The following INPP4B variants were observed in gnomAD, a reference collection of about 807,000 sequenced individuals.
The protein encoded by INPP4B is inositol polyphosphate-4-phosphatase type II B, also known as inositol polyphosphate 4-phosphatase type II.
In INPP4B, 55 loss-of-function variants were observed where a neutral mutation model predicts 122.5. The ratio of observed to expected loss-of-function variants is 0.45; its 90% CI spans 0.36 to 0.56. INPP4B has a LOEUF of 0.56. INPP4B is among the 20% of genes least tolerant of loss of function. The probability of loss-of-function intolerance (pLI) is 0.00; values close to 1 mark genes in which losing one functional copy is unlikely to be tolerated. For synonymous variants in INPP4B, 403 were observed against 388.7 expected (o/e 1.04, Z -0.43); for missense variants, 1,000 against 1,097.7 (o/e 0.91, Z 1.26).
At position 142,081,988 on chromosome 4, in the gene INPP4B, A is replaced by G. The variant is rs201151967; in HGVS notation, c.2642+43T>C. 1.6e-3 allele frequency: 2,110 copies of G among 1,285,688 alleles called. 2 individuals carry two copies. Among genetic ancestry groups the G allele is most frequent in the Non-Finnish European group, 1.9e-3 (1,889 of 995,050 alleles). The allele number at this position is 1,285,688 out of a possible 1,614,324, so 79.6% of individuals were successfully genotyped here. On this transcript the variant is annotated intron_variant, in intron 25 of 25. Coordinates refer to ENST00000262992, the MANE Select transcript of INPP4B (RefSeq NM_001101669.3). ...TGAAAAAAAAAATAAAAACAACTCA[A>G]AATGACCTTAAAAGAAAAAAACTTG... is the stretch of plus-strand genomic sequence containing the variant.
intron 2 of INPP4B, among the ~76,000 whole-genome samples, chr4:142,662,787 G>A (rs1755430677): frequency 6.6e-6 from 1 of 152,178 alleles, no homozygotes; most frequent in Non-Finnish European, 1.5e-5. Flanking sequence ...ATTCATTGGA[G>A]CAGCTAAAGT....
intron 2 of INPP4B, among the ~76,000 whole-genome samples, chr4:142,648,394 T>C (rs1006491558): frequency 1.3e-5 from 2 of 152,092 alleles, no homozygotes; most frequent in African/African-American, 4.8e-5. Context: ...CACAAGGGGT[T>C]GGGGTATTTC....
At chr4:142,315,398 C>T (rs1339443801) in intron 7 of INPP4B, among the ~76,000 whole-genome samples, 1 of 152,054 alleles carries the variant, frequency 6.6e-6, no homozygotes, top group Non-Finnish European at 1.5e-5. Flanking sequence ...GGAATAATGT[C>T]AAAGAACCGG....
chr4:142,703,220 CTTG>C (rs1416975725), intron 2 of INPP4B, among the ~76,000 whole-genome samples: 4 of 152,196 alleles, frequency 2.6e-5, no homozygotes, highest in Admixed American at 6.5e-5. Context: ...ATGTCCTCAA[CTTG>C]TTGTATTGGC....
chr4:142,359,656 A>T (rs1784769381), intron 7 of INPP4B, among the ~76,000 whole-genome samples: 1 of 151,988 alleles, frequency 6.6e-6, no homozygotes, highest in South Asian at 2.1e-4. Context: ...AAAATATATT[A>T]AGTACTTTCC....
intron 2 of INPP4B, among the ~76,000 whole-genome samples, chr4:142,588,327 T>C (rs1056097027): frequency 2.0e-5 from 3 of 151,840 alleles, no homozygotes; most frequent in African/African-American, 7.2e-5. Flanking sequence ...GGAAATAAAA[T>C]GTACACAAAT....
intron 2 of INPP4B, among the ~76,000 whole-genome samples, chr4:142,634,619 C>A (rs1163929227): frequency 2.0e-5 from 3 of 151,896 alleles, no homozygotes; most frequent in Admixed American, 6.6e-5. Context: ...AACATTTAAC[C>A]AAATTTACCA....
At chr4:142,209,792 C>CAAAAAAA (rs375306534) in intron 12 of INPP4B, among the ~76,000 whole-genome samples, 1 of 39,528 alleles carries the variant, frequency 2.5e-5, no homozygotes, top group African/African-American at 1.3e-4. Flanking sequence ...GACCCCGTCT[C>CAAAAAAA]AAAAAAAAAA....
intron 2 of INPP4B, among the ~76,000 whole-genome samples, chr4:142,708,866 A>G (rs1237304184): frequency 2.0e-5 from 3 of 152,132 alleles, no homozygotes; most frequent in African/African-American, 7.2e-5. Context: ...AGAACAGCAG[A>G]TCTACCAACA....
chr4:142,507,402 C>T (rs2149846497), intron 2 of INPP4B, among the ~76,000 whole-genome samples: 2 of 152,216 alleles, frequency 1.3e-5, no homozygotes, highest in South Asian at 4.2e-4. Context: ...CAGAAAACGT[C>T]TCCTGGGCAG....
At chr4:142,590,178 G>C (rs913224108) in intron 2 of INPP4B, among the ~76,000 whole-genome samples, 1 of 152,076 alleles carries the variant, frequency 6.6e-6, no homozygotes, top group Non-Finnish European at 1.5e-5. Flanking sequence ...ATTCTGTGGG[G>C]TACTATAATG....
chr4:142,497,930 G>T (rs1194392545), intron 2 of INPP4B, among the ~76,000 whole-genome samples: 3 of 152,086 alleles, frequency 2.0e-5, no homozygotes, highest in Admixed American at 6.6e-5. Context: ...CTGGAATTGT[G>T]TGGTCTGTGC....
intron 25 of INPP4B, among the ~76,000 whole-genome samples, chr4:142,064,510 A>G (rs570768191): frequency 1.6e-4 from 25 of 152,226 alleles, no homozygotes; most frequent in Non-Finnish European, 3.4e-4. Context: ...GATGTTTGTT[A>G]TATGAAAGAT....
In INPP4B at chr4:142,270,667, T is replaced by C. The variant is rs767243447; in HGVS notation, c.611A>G (p.Gln204Arg). The change falls in exon 10 of 26, where the codon CAA becomes CGA. Residue 204 changes from glutamine to arginine, a missense_variant. Transcript: ENST00000262992. ...ATGAGCAGACTGAGATCCTACCTTTTGTCCCTGTACATCTGTGGTGATGTG... is the reference window on the plus strand; with the variant it reads ...ATGAGCAGACTGAGATCCTACCTTTCGTCCCTGTACATCTGTGGTGATGTG... Reference protein sequence around the residue: ...ADHITTDVQGQKCALVCECTA... With the variant: ...ADHITTDVQGRKCALVCECTA... The C allele has an allele frequency of 1.3e-6, 2 of 1,587,692 alleles. No homozygotes were observed. Among genetic ancestry groups the C allele is most frequent in the Non-Finnish European group, 1.7e-6 (2 of 1,155,924 alleles).
At chr4:142,360,492 G>A (rs1301867541) in intron 7 of INPP4B, among the ~76,000 whole-genome samples, 2 of 151,948 alleles carry the variant, frequency 1.3e-5, no homozygotes, top group African/African-American at 2.4e-5. Context: ...TACCCTGAAC[G>A]TACATATCAC....
intron 2 of INPP4B, among the ~76,000 whole-genome samples, chr4:142,479,929 A>G (rs900217452): frequency 6.6e-6 from 1 of 152,166 alleles, no homozygotes; most frequent in African/African-American, 2.4e-5. Flanking sequence ...TCTATATAAC[A>G]CTGCGCATGT....
intron 5 of INPP4B, among the ~76,000 whole-genome samples, chr4:142,411,954 A>G (rs1420285668): frequency 1.3e-5 from 2 of 152,106 alleles, no homozygotes; most frequent in African/African-American, 2.4e-5. Flanking sequence ...ACCTCCCTCA[A>G]TAGCACCATT....
intron 1 of INPP4B, among the ~76,000 whole-genome samples, chr4:142,841,979 A>T (rs1446417953): frequency 1.3e-5 from 2 of 151,866 alleles, no homozygotes; most frequent in Non-Finnish European, 3.0e-5. Flanking sequence ...ACAGATAGAT[A>T]GATTGATAGA....
chr4:142,605,984 G>A (rs1160019001), intron 2 of INPP4B, among the ~76,000 whole-genome samples: 1 of 151,962 alleles, frequency 6.6e-6, no homozygotes, highest in East Asian at 1.9e-4. Flanking sequence ...CAAAGATACT[G>A]AATCAATCTA....
Sources: allele counts gnomAD v4.1 joint callset (sites outside exome capture counted in the v4.1 genomes callset), GRCh38; gene constraint gnomAD v4.1.1; transcripts MANE v1.5; gene names NCBI Gene and HGNC (gene_info 2026-07-23, HGNC 2026-07-21).